The following CD99L2 variants were observed in gnomAD, a reference collection of about 807,000 sequenced individuals.
The protein encoded by CD99L2 is CD99 antigen-like protein 2.
CD99L2 carries 24 observed loss-of-function variants against 27.3 expected under a neutral mutation model. The ratio of observed to expected loss-of-function variants is 0.88; its 90% CI spans 0.64 to 1.24. The LOEUF is 1.24. CD99L2 is among the 50% of genes most tolerant of loss of function. CD99L2 has a pLI of 0.00. For missense variants in CD99L2, 255 were observed against 221.6 expected (o/e 1.15, Z -0.96); for synonymous variants, 97 against 87.9 (o/e 1.10, Z -0.58).
chrX:150,830,472 A>C (rs1162528484), intron 2 of CD99L2, among the ~76,000 whole-genome samples: 3 of 111,118 alleles, frequency 2.7e-5, no homozygotes, highest in African/African-American at 9.8e-5. Flanking sequence ...GGATCACTTG[A>C]GCCTAGGAGT....
intron 7 of CD99L2, among the ~76,000 whole-genome samples, chrX:150,778,673 TAAAA>T (rs1195688468): frequency 3.8e-4 from 26 of 67,929 alleles, no homozygotes; most frequent in African/African-American, 1.2e-3. Context: ...TAAAGTATAA[TAAAA>T]AAAAAAAAAT....
intron 1 of CD99L2, among the ~76,000 whole-genome samples, chrX:150,880,298 A>C (rs2047306451): frequency 8.9e-6 from 1 of 112,554 alleles, no homozygotes. Flanking sequence ...AACAACCTGA[A>C]TGTTCATCAG....
chrX:150,847,913 C>T (rs1243695509), intron 1 of CD99L2, among the ~76,000 whole-genome samples: 10 of 111,384 alleles, frequency 9.0e-5, no homozygotes, highest in Non-Finnish European at 1.7e-4. Context: ...CATCTTTCCC[C>T]TGGACAGCCA....
At chrX:150,812,205 C>T (rs1416372729) in intron 4 of CD99L2, among the ~76,000 whole-genome samples, 1 of 111,500 alleles carries the variant, frequency 9.0e-6, no homozygotes, top group Admixed American at 9.6e-5. Flanking sequence ...GAAAAATTGA[C>T]AAACTGAACA....
intron 7 of CD99L2, among the ~76,000 whole-genome samples, chrX:150,792,646 T>C (rs2142003): frequency 0.21 from 23,076 of 111,483 alleles, 1,726 homozygotes; most frequent in Middle Eastern, 0.29. Context: ...TACAACCAGA[T>C]ACACCCATAA....
At chrX:150,816,713 C>T (rs1021884900) in intron 2 of CD99L2, among the ~76,000 whole-genome samples, 1 of 108,295 alleles carries the variant, frequency 9.2e-6, no homozygotes, top group Non-Finnish European at 1.9e-5. Flanking sequence ...ACCCAAAGGA[C>T]TATAAATCAT....
In CD99L2 at chrX:150,816,868, T is replaced by C. The variant is rs943805682; in HGVS notation, c.131-790A>G. Among the ~76,000 whole-genome samples, 8 of 109,819 alleles carry C rather than the reference T, an allele frequency of 7.3e-5. No homozygotes were observed. In the South Asian group the frequency reaches 2.8e-3, roughly 39 times the overall value. On this transcript the variant is annotated intron_variant, in intron 2 of 10. Coordinates refer to ENST00000370377, the MANE Select transcript of CD99L2 (RefSeq NM_031462.4). Reference sequence around the variant, plus strand: ...TACACCATGGAATACTATACAGCCATAGAAAAGGGTGAGTTCATGTCCTCT... The same window carrying C: ...TACACCATGGAATACTATACAGCCACAGAAAAGGGTGAGTTCATGTCCTCT...
At position 150,795,474 on chromosome X, in the gene CD99L2, T is replaced by C. The variant is rs142904372; in HGVS notation, c.290A>G (p.His97Arg). The change falls in exon 5 of 11, where the codon CAT (histidine) becomes CGT (arginine). Residue 97 changes from histidine (H) to arginine (R), a missense_variant. Physicochemically the swap from His to Arg is conservative, Grantham distance 29. Transcript: ENST00000370377. ...PGIGGRERWNHVTTTTKRPVT... is the reference protein window; with the variant it reads ...PGIGGRERWNRVTTTTKRPVT... ...TGGCCTCTTGGTCGTGGTGGTTACA[T>C]GGTTCCATCTCTCTAAAAGGGGAAG... The C allele has an allele frequency of 3.7e-5, 45 of 1,208,773 alleles. No individual in the cohort carries two copies. The highest frequency in any genetic ancestry group is 6.6e-5 in the Admixed American group (3 of 45,563).
At chrX:150,786,420 T>C (rs1218559439) in intron 7 of CD99L2, among the ~76,000 whole-genome samples, 1 of 110,913 alleles carries the variant, frequency 9.0e-6, no homozygotes, top group Non-Finnish European at 1.9e-5. Flanking sequence ...TTCCCCTCTA[T>C]GCGTCTATGT....
At chrX:150,827,997 T>C (rs1336045471) in intron 2 of CD99L2, among the ~76,000 whole-genome samples, 5 of 112,107 alleles carry the variant, frequency 4.5e-5, no homozygotes, top group Non-Finnish European at 9.4e-5. Flanking sequence ...CATTGATCTC[T>C]AGCCAGTAGC....
intron 2 of CD99L2, among the ~76,000 whole-genome samples, chrX:150,824,585 GGAGGAGAAGA>G (rs1557420844): frequency 3.7e-4 from 37 of 100,950 alleles, no homozygotes; most frequent in African/African-American, 1.3e-3. Flanking sequence ...AGGAGGAGAA[GGAGGAGAAGA>G]AGAAGGAGGA....
chrX:150,896,932 C>T lies in CD99L2; in HGVS notation c.67+1590G>A, dbSNP rs189199629. Among the ~76,000 whole-genome samples the T allele has an allele frequency of 1.2e-3, 137 of 112,498 alleles. 2 individuals are homozygous for T. Among genetic ancestry groups the T allele is most frequent in the African/African-American group, 4.3e-3 (133 of 30,987 alleles). On this transcript the variant is annotated intron_variant, in intron 1 of 10. Coordinates refer to ENST00000370377, the MANE Select transcript of CD99L2 (RefSeq NM_031462.4). The stretch of plus-strand genomic sequence containing the variant: ...ACTGTTTCTGTCTCCTCTACCACCT[C>T]TTAAATCAACAATTGTAACGTGCAA...
chrX:150,815,463 G>C (rs2046139506), intron 3 of CD99L2, among the ~76,000 whole-genome samples: 1 of 111,975 alleles, frequency 8.9e-6, no homozygotes, highest in East Asian at 2.8e-4. Flanking sequence ...CCGACTACTG[G>C]TAACAAGTTG....
Position 150,777,515 on chromosome X carries a change from G to A in CD99L2, c.497-33C>T, listed in dbSNP as rs200438296. ...AAAGACAAAAGCACTTAGTGCCAGC[G>A]ACCAGCCAGCTCAGGCTCGAGCTCG... is the stretch of plus-strand genomic sequence containing the variant. On this transcript the variant is annotated intron_variant, in intron 7 of 10. Transcript: ENST00000370377. 33 of 1,200,424 alleles carry A rather than the reference G, an allele frequency of 2.7e-5. No homozygotes were observed. In the East Asian group the frequency reaches 5.4e-4, roughly 20 times the overall value.
At chrX:150,865,320 A>G (rs1409907035) in intron 1 of CD99L2, among the ~76,000 whole-genome samples, 1 of 110,239 alleles carries the variant, frequency 9.1e-6, no homozygotes, top group Non-Finnish European at 1.9e-5. Flanking sequence ...CAACATAGTG[A>G]GATTCCATCT....
intron 9 of CD99L2, chrX:150,771,799 C>T (rs1557419087): frequency 2.6e-6 from 3 of 1,154,087 alleles, no homozygotes; most frequent in East Asian, 3.3e-5. Flanking sequence ...GGCAAAGCAG[C>T]GTTACCTTGA....
chrX:150,785,479 C>A (rs2045579611), intron 7 of CD99L2, among the ~76,000 whole-genome samples: 1 of 111,564 alleles, frequency 9.0e-6, no homozygotes, highest in Non-Finnish European at 1.9e-5. Flanking sequence ...TAGCATTTTA[C>A]ATTTGCTTAC....
intron 1 of CD99L2, among the ~76,000 whole-genome samples, chrX:150,836,588 A>T (rs2046532706): frequency 9.0e-6 from 1 of 111,501 alleles, no homozygotes; most frequent in African/African-American, 3.3e-5. Context: ...CAGCCTCCCG[A>T]AGTGCTGGGA....
At chrX:150,820,040 TCAGA>T (rs1440289624) in intron 2 of CD99L2, among the ~76,000 whole-genome samples, 2 of 111,384 alleles carry the variant, frequency 1.8e-5, no homozygotes, top group Non-Finnish European at 3.8e-5. Flanking sequence ...AATACCGAAG[TCAGA>T]CAAATACACA....
Sources: allele counts gnomAD v4.1 joint callset (sites outside exome capture counted in the v4.1 genomes callset), GRCh38; gene constraint gnomAD v4.1.1; transcripts MANE v1.5; gene names NCBI Gene and HGNC (gene_info 2026-07-23, HGNC 2026-07-21).